The following MFSD1 variants were observed in gnomAD, a reference collection of about 807,000 sequenced individuals.
MFSD1 encodes the protein lysosomal dipeptide transporter MFSD1.
A neutral mutation model predicts 67.1 loss-of-function variants in MFSD1; 59 were observed. The observed-to-expected ratio is 0.88, with a 90% CI of 0.71 to 1.09. The LOEUF (loss-of-function observed/expected upper bound fraction) is 1.09. MFSD1 is among the 50% of genes least tolerant of loss of function. MFSD1 has a pLI of 0.00. For synonymous variants in MFSD1, 213 were observed against 200.3 expected (o/e 1.06, Z -0.54); for missense variants, 552 against 566.1 (o/e 0.97, Z 0.25).
chr3:158,818,686 G>T (rs771416202), intron 7 of MFSD1, among the ~76,000 whole-genome samples: 1 of 152,090 alleles, frequency 6.6e-6, no homozygotes, highest in East Asian at 1.9e-4. Context: ...CAGTGGAGTG[G>T]TAATCCTAAG....
At chr3:158,820,917 AC>A (rs147490206) in intron 9 of MFSD1, among the ~76,000 whole-genome samples, 1,939 of 152,268 alleles carry the variant, frequency 0.013, 45 homozygotes, top group African/African-American at 0.044. Context: ...CCATGTCAAT[AC>A]CTAATAATTT....
chr3:158,824,198 AT>A lies in MFSD1; in HGVS notation c.1253del (p.Leu418CysfsTer24). Reference sequence around the variant, plus strand: ...GGTATGATACTGGATTCTCGGGGGTATTTGTTTTTGGAAGTGTTCTTCATTG... The same window carrying A: ...GGTATGATACTGGATTCTCGGGGGTATTGTTTTTGGAAGTGTTCTTCATTG... ...IAGMILDSRG[Y>X]LFLEVFFIAC... On this transcript the variant is annotated frameshift_variant, in exon 13 of 16. Transcript: ENST00000415822. LOFTEE classifies it high-confidence loss of function. 6.2e-7 allele frequency: 1 copy of A among 1,612,376 alleles called. No individual in the cohort carries two copies. Among genetic ancestry groups the A allele is most frequent in the Non-Finnish European group, 8.5e-7 (1 of 1,179,264 alleles).
At chr3:158,818,603 A>G (rs1235295979) in intron 7 of MFSD1, among the ~76,000 whole-genome samples, 1 of 152,100 alleles carries the variant, frequency 6.6e-6, no homozygotes, top group East Asian at 1.9e-4. Flanking sequence ...TTTATTCCAC[A>G]TATGCATAGT....
intron 7 of MFSD1, among the ~76,000 whole-genome samples, chr3:158,814,603 G>A (rs1420660313): frequency 6.6e-6 from 1 of 152,106 alleles, no homozygotes; most frequent in Non-Finnish European, 1.5e-5. Context: ...TTACAGGCGT[G>A]AGCCACCGCA....
intron 3 of MFSD1, 94 bp downstream of exon 3, chr3:158,805,568 T>G (rs371043748): frequency 5.2e-6 from 5 of 957,338 alleles, no homozygotes; most frequent in Non-Finnish European, 8.3e-6. Flanking sequence ...CTGAATAAAC[T>G]TCTGTATTAA....
intron 7 of MFSD1, among the ~76,000 whole-genome samples, chr3:158,814,559 G>C (rs2108217779): frequency 6.6e-6 from 1 of 152,086 alleles, no homozygotes; most frequent in South Asian, 2.1e-4. Flanking sequence ...GACCTCAGGG[G>C]ATCCGCTCAC....
chr3:158,815,025 T>C (rs1730249666), intron 7 of MFSD1, among the ~76,000 whole-genome samples: 1 of 152,178 alleles, frequency 6.6e-6, no homozygotes, highest in African/African-American at 2.4e-5. Flanking sequence ...GAGGTTGAGG[T>C]GAACTGAGAT....
In MFSD1 at chr3:158,802,493, T is replaced by C. The variant is rs569599665; in HGVS notation, c.163+178T>C. The stretch of plus-strand genomic sequence containing the variant: ...TTCCAGCCACACCTGTGGATGTTGC[T>C]AGTTACTCCGCGTCCGGAACGTGGA... On this transcript the variant is annotated intron_variant, in intron 1 of 15. Transcript: ENST00000415822. 1.2e-5 allele frequency: 10 copies of C among 808,706 alleles called. No homozygotes were observed. The African/African-American group carries it at 1.5e-4, about 12-fold the overall frequency. 50.1% of individuals were successfully genotyped at this position (808,706 alleles called of 1,614,324 possible). A position where few individuals can be genotyped will look rare whatever the true frequency, so the allele number is the denominator to read the frequency against.
chr3:158,819,473 G>A (rs577963955), intron 7 of MFSD1, 176 bp from the exon 8 acceptor site: 2 of 472,484 alleles, frequency 4.2e-6, no homozygotes, highest in Non-Finnish European at 7.5e-6. Context: ...CTGAGTATTT[G>A]AATGTACTCT....
intron 7 of MFSD1, among the ~76,000 whole-genome samples, chr3:158,818,798 T>G (rs1730513920): frequency 6.6e-6 from 1 of 152,222 alleles, no homozygotes; most frequent in Non-Finnish European, 1.5e-5. Flanking sequence ...GTATTCCATC[T>G]AATTTCCTCC....
At chr3:158,811,327 C>T (rs369290110) in intron 6 of MFSD1, among the ~76,000 whole-genome samples, 34 of 152,256 alleles carry the variant, frequency 2.2e-4, no homozygotes, top group African/African-American at 7.5e-4. Context: ...GGGTTTTGGT[C>T]GTGTTAGGTT....
chr3:158,805,450 T>C lies in MFSD1; in HGVS notation c.305T>C (p.Leu102Ser). 1 of 1,613,518 alleles carries C rather than the reference T, an allele frequency of 6.2e-7. No individual in the cohort carries two copies. The highest frequency in any genetic ancestry group is 8.5e-7 in the Non-Finnish European group (1 of 1,179,422). ...NVVLCFFGGF[L>S]IDRVFGIRWG... ...GTTTTGTGTTTCTTTGGTGGCTTTT[T>C]GATAGACCGAGTATTTGGAATACGG... The change falls in exon 3 of 16, where the codon TTG becomes TCG. Residue 102 changes from leucine to serine, a missense_variant. By Grantham distance (145) the Leu-to-Ser change is moderately radical. Coordinates refer to ENST00000415822, the MANE Select transcript of MFSD1 (RefSeq NM_022736.4).
intron 7 of MFSD1, among the ~76,000 whole-genome samples, chr3:158,818,614 A>G (rs1730504321): frequency 6.6e-6 from 1 of 152,024 alleles, no homozygotes; most frequent in Non-Finnish European, 1.5e-5. Flanking sequence ...TATGCATAGT[A>G]TTTGTCTTTC....
intron 7 of MFSD1, among the ~76,000 whole-genome samples, chr3:158,818,633 A>G (rs778006797): frequency 8.5e-5 from 13 of 152,098 alleles, no homozygotes; most frequent in Non-Finnish European, 1.8e-4. Flanking sequence ...TCTGTGTTTT[A>G]TTCCTTATAA....
chr3:158,815,548 G>A (rs1290474829), intron 7 of MFSD1, among the ~76,000 whole-genome samples: 1 of 151,174 alleles, frequency 6.6e-6, no homozygotes, highest in East Asian at 1.9e-4. Context: ...ATTTAAAAAT[G>A]TTTGGTAGAA....
intron 2 of MFSD1, 49 bp from the exon 3 acceptor site, chr3:158,805,313 C>T (rs1429824053): frequency 7.1e-7 from 1 of 1,415,812 alleles, no homozygotes; most frequent in Non-Finnish European, 1.0e-6. Flanking sequence ...TTGTTAGTTG[C>T]TAAACTTAAC....
intron 7 of MFSD1, among the ~76,000 whole-genome samples, chr3:158,817,422 T>G (rs1264085254): frequency 2.6e-5 from 4 of 152,186 alleles, no homozygotes; most frequent in Non-Finnish European, 4.4e-5. Flanking sequence ...AAAATCAATG[T>G]ATAAAAATTT....
At chr3:158,827,364 T>C in intron 15 of MFSD1, 27 bp downstream of exon 15, 1 of 1,350,514 alleles carries the variant, frequency 7.4e-7, no homozygotes, top group Non-Finnish European at 1.0e-6. Context: ...TAAAAAGTTG[T>C]CTTTATTTTT....
At chr3:158,803,222 G>A (rs1204276231) in intron 1 of MFSD1, among the ~76,000 whole-genome samples, 1 of 152,122 alleles carries the variant, frequency 6.6e-6, no homozygotes, top group African/African-American at 2.4e-5. Flanking sequence ...GTATGAATGT[G>A]TTTTTCAGGA....
Sources: gnomAD v4.1 joint callset for allele counts (sites outside exome capture counted in the v4.1 genomes callset) on GRCh38, gnomAD v4.1.1 for gene constraint, MANE v1.5 for transcripts, NCBI Gene and HGNC (gene_info 2026-07-23, HGNC 2026-07-21) for gene names.